The following ARGFX variants were observed in gnomAD, a reference collection of about 807,000 sequenced individuals.
ARGFX encodes the protein arginine-fifty homeobox.
In ARGFX, 10 loss-of-function variants were observed where a neutral mutation model predicts 8.0. The ratio of observed to expected loss-of-function variants is 1.25; its 90% confidence interval spans 0.77 to 2.12. The LOEUF is 2.12. ARGFX is among the 30% of genes most tolerant of loss of function. The probability of loss-of-function intolerance (pLI) is 0.00; values close to 1 mark genes in which losing one functional copy is unlikely to be tolerated. For missense variants in ARGFX, 282 were observed against 324.3 expected (o/e 0.87, Z 1.00); for synonymous variants, 116 against 117.8 (o/e 0.98, Z 0.10).
chr3:121,578,281 C>T (rs1051091742), intron 3 of ARGFX, among the ~76,000 whole-genome samples: 3 of 152,156 alleles, frequency 2.0e-5, no homozygotes, highest in Non-Finnish European at 4.4e-5. Context: ...GCATGCGCCA[C>T]CATACCTGGC....
At chr3:121,580,934 T>C (rs931906112) in intron 3 of ARGFX, among the ~76,000 whole-genome samples, 1 of 152,204 alleles carries the variant, frequency 6.6e-6, no homozygotes, top group Non-Finnish European at 1.5e-5. Context: ...AATTTACTTT[T>C]ATTATATGTT....
At chr3:121,582,085 A>G (rs2048783642) in intron 3 of ARGFX, among the ~76,000 whole-genome samples, 1 of 152,098 alleles carries the variant, frequency 6.6e-6, no homozygotes, top group African/African-American at 2.4e-5. Flanking sequence ...AAATGAATAA[A>G]TCAAGTTCTT....
rs869249692 is a variant in ARGFX at position 121,577,259 on chromosome 3, A to ATTT, written c.220+370_220+372dup. Among the ~76,000 whole-genome samples the ATTT allele has an allele frequency of 4.4e-3, 261 of 59,548 alleles. 7 individuals are homozygous for ATTT. The highest frequency in any genetic ancestry group is 0.035 in the South Asian group (49 of 1,418). The allele number at this position is 59,548 out of a possible 152,430, so 39.1% of individuals were successfully genotyped here. On this transcript the variant is annotated intron_variant, in intron 3 of 4. Coordinates refer to ENST00000334384, the MANE Select transcript of ARGFX (RefSeq NM_001012659.2). Reference sequence around the variant, plus strand: ...TATATATATATATATATATATATATATTTTTTTTTTTTTAAATGGAGTCTC... The same window carrying ATTT: ...TATATATATATATATATATATATATATTTTTTTTTTTTTTTTAAATGGAGTCTC...
chr3:121,583,240 G>A (rs2048790757), intron 3 of ARGFX, among the ~76,000 whole-genome samples: 1 of 150,834 alleles, frequency 6.6e-6, no homozygotes, highest in African/African-American at 2.4e-5. Flanking sequence ...GTGTTGGCCA[G>A]GCTGGTCTCA....
chr3:121,577,251 ATATATATATT>A lies in ARGFX; in HGVS notation c.220+353_220+362del, dbSNP rs1368928719. Among the ~76,000 whole-genome samples, 6 of 53,156 alleles carry A rather than the reference ATATATATATT, an allele frequency of 1.1e-4. 1 individual carries two copies. Among genetic ancestry groups the A allele is most frequent in the Non-Finnish European group, 2.2e-4 (6 of 27,286 alleles). 34.9% of individuals were successfully genotyped at this position (53,156 alleles called of 152,430 possible). Reference sequence around the variant, plus strand: ...CATATATATATATATATATATATATATATATATATTTTTTTTTTTTTAAATGGAGTCTCAC... The same window carrying A: ...CATATATATATATATATATATATATATTTTTTTTTTTAAATGGAGTCTCAC... On this transcript the variant is annotated intron_variant, in intron 3 of 4. Coordinates refer to ENST00000334384, the MANE Select transcript of ARGFX (RefSeq NM_001012659.2).
rs1264871934 is a variant in ARGFX, at chr3:121,587,355, T to G, written c.*755T>G. Among the ~76,000 whole-genome samples, 2 of 151,902 alleles carry G rather than the reference T, an allele frequency of 1.3e-5. No homozygotes were observed. Among genetic ancestry groups the G allele is most frequent in the Non-Finnish European group, 2.9e-5 (2 of 67,956 alleles). ...ACATGAGCCACCGAGCCTGGCCAAT[T>G]TTTGTGTTTTTTGTAGAGACGAGGT... is the stretch of plus-strand genomic sequence containing the variant. On this transcript the variant is annotated 3_prime_UTR_variant, in exon 5 of 5. Coordinates refer to ENST00000334384, the MANE Select transcript of ARGFX (RefSeq NM_001012659.2).
chr3:121,586,015 C>T lies in ARGFX; in HGVS notation c.370-7C>T. ...ACCACAATCTCCCCCTCTTCCCCTA[C>T]TCCCAGGTTTGGTTCAGGAACCGGC... On this transcript the variant is annotated splice_polypyrimidine_tract_variant and splice_region_variant and intron_variant, in intron 4 of 4. Transcript: ENST00000334384. 1 of 1,559,016 alleles carries T rather than the reference C, an allele frequency of 6.4e-7. No homozygotes were observed. The highest frequency in any genetic ancestry group is 8.7e-7 in the Non-Finnish European group (1 of 1,155,752).
intron 3 of ARGFX, 71 bp from the exon 4 acceptor site, chr3:121,584,846 T>A: frequency 6.5e-7 from 1 of 1,540,460 alleles, no homozygotes; most frequent in African/African-American, 1.4e-5. Context: ...TTTTTGGTTT[T>A]TGTTTTTTTG....
At chr3:121,572,238 T>G (rs1181482600) in intron 2 of ARGFX, among the ~76,000 whole-genome samples, 5 of 17,678 alleles carry the variant, frequency 2.8e-4, no homozygotes, top group Admixed American at 8.7e-4. Flanking sequence ...TTATTGTTGT[T>G]TTTTTTTTTT....
chr3:121,570,195 G>A (rs145280978), intron 1 of ARGFX, among the ~76,000 whole-genome samples: 47 of 152,234 alleles, frequency 3.1e-4, no homozygotes, highest in African/African-American at 1.1e-3. Flanking sequence ...CAGGACTACT[G>A]GCCACAGATT....
rs1412762862 is a variant in ARGFX at position 121,587,501 on chromosome 3, TA to T, written c.*906del. ...TCGCACCCGGCTGGGTTATCTAGTT[TA>T]AAAACACTTTTTTTCAAGGAAACCG... is the stretch of plus-strand genomic sequence containing the variant. On this transcript the variant is annotated 3_prime_UTR_variant, in exon 5 of 5. Transcript: ENST00000334384. 1.3e-5 allele frequency among the ~76,000 whole-genome samples: 2 copies of T among 152,140 alleles called. No homozygotes were observed. The highest frequency in any genetic ancestry group is 2.9e-5 in the Non-Finnish European group (2 of 68,022).
At chr3:121,574,296 G>A (rs1221313950) in intron 2 of ARGFX, among the ~76,000 whole-genome samples, 1 of 152,148 alleles carries the variant, frequency 6.6e-6, no homozygotes, top group Admixed American at 6.5e-5. Flanking sequence ...GGACTGGTTG[G>A]GGGGCTGATT....
chr3:121,587,039 G>A lies in ARGFX; in HGVS notation c.*439G>A, dbSNP rs535539215. 1.3e-5 allele frequency among the ~76,000 whole-genome samples: 2 copies of A among 151,906 alleles called. No individual in the cohort carries two copies. Among genetic ancestry groups the A allele is most frequent in the Admixed American group, 6.6e-5 (1 of 15,238 alleles). On this transcript the variant is annotated 3_prime_UTR_variant, in exon 5 of 5. Coordinates refer to ENST00000334384, the MANE Select transcript of ARGFX (RefSeq NM_001012659.2). ...TGAGTAGCTAGGACTACAGATGCTC[G>A]CCACCACACCTGGCTAATTTTTTTT...
Position 121,588,674 on chromosome 3 carries a change from G to A in ARGFX, c.*2074G>A, listed in dbSNP as rs1035619237. Among the ~76,000 whole-genome samples, 4 of 150,206 alleles carry A rather than the reference G, an allele frequency of 2.7e-5. No individual in the cohort carries two copies. The highest frequency in any genetic ancestry group is 2.1e-4 in the South Asian group (1 of 4,722). ...TGGCTCACACCTGTAATCCCAGCAC[G>A]TTGGGAGGCCAAGGCGGGCAGATCA... is the stretch of plus-strand genomic sequence containing the variant. On this transcript the variant is annotated 3_prime_UTR_variant, in exon 5 of 5. Transcript: ENST00000334384.
intron 3 of ARGFX, among the ~76,000 whole-genome samples, chr3:121,578,732 G>A (rs373882362): frequency 2.3e-4 from 34 of 150,068 alleles, no homozygotes; most frequent in African/African-American, 4.9e-4. Flanking sequence ...GGGCAGGGGC[G>A]CGATCTCGGC....
intron 4 of ARGFX, among the ~76,000 whole-genome samples, chr3:121,585,582 C>A (rs1340719155): frequency 6.6e-6 from 1 of 152,056 alleles, no homozygotes; most frequent in Non-Finnish European, 1.5e-5. Context: ...TCAAGTGATC[C>A]TCTCACCTCA....
At chr3:121,577,127 ACT>A (rs2048743095) in intron 3 of ARGFX, among the ~76,000 whole-genome samples, 1 of 148,522 alleles carries the variant, frequency 6.7e-6, no homozygotes, top group Admixed American at 6.8e-5. Flanking sequence ...TTTGTAGTCT[ACT>A]CTCTATATAT....
intron 1 of ARGFX, among the ~76,000 whole-genome samples, chr3:121,569,901 C>A (rs2048697415): frequency 6.6e-6 from 1 of 152,094 alleles, no homozygotes; most frequent in African/African-American, 2.4e-5. Context: ...AAGATGTCAC[C>A]ATTGAGGGAG....
chr3:121,586,648 C>A lies in ARGFX; in HGVS notation c.*48C>A. On this transcript the variant is annotated 3_prime_UTR_variant, in exon 5 of 5. Coordinates refer to ENST00000334384, the MANE Select transcript of ARGFX (RefSeq NM_001012659.2). ...TCATTTAGAAAAGTGGTCTTCTTGC[C>A]TCTTGTACATGACTGTTTTTTTCCT... 1 of 1,452,954 alleles carries A rather than the reference C, an allele frequency of 6.9e-7. No individual in the cohort carries two copies. Among genetic ancestry groups the A allele is most frequent in the Non-Finnish European group, 9.4e-7 (1 of 1,067,862 alleles). 90.0% of individuals were successfully genotyped at this position (1,452,954 alleles called of 1,614,324 possible). A position where few individuals can be genotyped will look rare whatever the true frequency, so the allele number is the denominator to read the frequency against.
Sources: gnomAD v4.1 joint callset for allele counts (sites outside exome capture counted in the v4.1 genomes callset) on GRCh38, gnomAD v4.1.1 for gene constraint, MANE v1.5 for transcripts, NCBI Gene and HGNC (gene_info 2026-07-23, HGNC 2026-07-21) for gene names.